C2: variants seen among roughly 807,000 people sequenced by gnomAD.
The protein encoded by C2 is C3/C5 convertase.
C2 carries 64 observed loss-of-function variants against 85.2 expected under a neutral mutation model. The ratio of observed to expected loss-of-function variants is 0.75; its 90% CI spans 0.61 to 0.92. C2 has a LOEUF of 0.92. Among genes scored for constraint, C2 ranks in the 40% least tolerant of loss-of-function variants. The probability of loss-of-function intolerance (pLI) is 0.00; values close to 1 mark genes in which losing one functional copy is unlikely to be tolerated. For missense variants in C2, 820 were observed against 971.6 expected (o/e 0.84, Z 2.07); for synonymous variants, 311 against 370.8 (o/e 0.84, Z 1.85).
chr6:31,901,130 C>T, exon 1 of C2: 2 of 1,613,918 alleles, frequency 1.2e-6, no homozygotes, highest in Non-Finnish European at 1.7e-6. Context: ...GAACTGGTCC[C>T]GCAGGAAGGG....
Position 31,933,624 on chromosome 6 carries a change from A to C in C2, c.457A>C (p.Asn153His). 1 of 1,613,058 alleles carries C rather than the reference A, an allele frequency of 6.2e-7. No individual in the cohort carries two copies. The highest frequency in any genetic ancestry group is 8.5e-7 in the Non-Finnish European group (1 of 1,180,022). Reference sequence around the variant, plus strand: ...TTCACTCGCAGCTGGCCACTGCCCCAACCCAGGCATTTCACTGGGCGCAGT... The same window carrying C: ...TTCACTCGCAGCTGGCCACTGCCCCCACCCAGGCATTTCACTGGGCGCAGT... The part of the protein sequence containing the change: ...VCDNGAGHCP[N>H]PGISLGAVRT... The change falls in exon 4 of 18, where the codon AAC (asparagine) becomes CAC (histidine). Residue 153 changes from asparagine (N) to histidine (H), a missense_variant. Transcript: ENST00000299367.
At chr6:31,915,947 TG>T (rs1329639230), upstream of C2, among the ~76,000 whole-genome samples, 1 of 152,148 alleles carries the variant, frequency 6.6e-6, no homozygotes, top group Non-Finnish European at 1.5e-5. Flanking sequence ...CACTGGACAG[TG>T]GGGGAACCAA....
chr6:31,912,649 G>A (rs1370543142), intron 1 of C2, among the ~76,000 whole-genome samples: 1 of 152,014 alleles, frequency 6.6e-6, no homozygotes, highest in African/African-American at 2.4e-5. Flanking sequence ...AGACCAGTCT[G>A]GCCAACATGG....
At chr6:31,907,337 C>T (rs949820130) in intron 1 of C2, among the ~76,000 whole-genome samples, 4 of 151,300 alleles carry the variant, frequency 2.6e-5, no homozygotes, top group African/African-American at 4.9e-5. Context: ...TGGTGGCTTA[C>T]GCCTGTAAAC....
upstream of C2, among the ~76,000 whole-genome samples, chr6:31,898,215 G>C (rs1766843709): frequency 1.3e-5 from 2 of 152,250 alleles, no homozygotes; most frequent in Non-Finnish European, 2.9e-5. Context: ...AAAACCTGTG[G>C]CTAAATGTCT....
intron 9 of C2, among the ~76,000 whole-genome samples, chr6:31,941,028 G>A (rs1240744720): frequency 6.6e-6 from 1 of 152,212 alleles, no homozygotes; most frequent in African/African-American, 2.4e-5. Context: ...GGACAGGCGC[G>A]GCCTGTTGTG....
chr6:31,932,833 A>G (rs1158656973), intron 3 of C2, among the ~76,000 whole-genome samples: 1 of 152,270 alleles, frequency 6.6e-6, no homozygotes, highest in African/African-American at 2.4e-5. Flanking sequence ...ATCATTGAGC[A>G]CTGAGTGAAC....
At position 31,933,903 on chromosome 6, in the gene C2, C is replaced by A; in HGVS notation, c.653C>A (p.Pro218His). ...TATGACTTCCCTGAGGACGTGGCCC[C>A]TGCCCTGGGCACTTCCTTCTCCCAC... Reference protein sequence around the residue: ...YSYDFPEDVAPALGTSFSHML... With the variant: ...YSYDFPEDVAHALGTSFSHML... The change falls in exon 5 of 18, where the codon CCT (proline) becomes CAT (histidine). Residue 218 changes from proline to histidine, a missense_variant. Coordinates refer to ENST00000299367, the MANE Select transcript of C2 (RefSeq NM_000063.6). The A allele has an allele frequency of 6.2e-7, 1 of 1,614,216 alleles. No homozygotes were observed. Among genetic ancestry groups the A allele is most frequent in the Non-Finnish European group, 8.5e-7 (1 of 1,180,040 alleles).
At chr6:31,918,195 G>C (rs1212039061), upstream of C2, among the ~76,000 whole-genome samples, 2 of 152,002 alleles carry the variant, frequency 1.3e-5, no homozygotes, top group Non-Finnish European at 2.9e-5. Context: ...TGAGGTGGGA[G>C]GATTGTGGAA....
At chr6:31,899,213 C>T (rs922268456), upstream of C2, among the ~76,000 whole-genome samples, 1 of 151,364 alleles carries the variant, frequency 6.6e-6, no homozygotes, top group Non-Finnish European at 1.5e-5. Flanking sequence ...TCCCTCCCAA[C>T]AGCCCTTCTT....
chr6:31,932,690 C>G (rs535858326), intron 3 of C2, among the ~76,000 whole-genome samples: 1 of 151,340 alleles, frequency 6.6e-6, no homozygotes, highest in Non-Finnish European at 1.5e-5. Context: ...CAGGCGGAGA[C>G]GCTCCTCACT....
chr6:31,931,055 A>G (rs1294978753), intron 3 of C2, among the ~76,000 whole-genome samples: 1 of 152,080 alleles, frequency 6.6e-6, no homozygotes, highest in African/African-American at 2.4e-5. Context: ...ATCATGCGGG[A>G]TGTGGTCTGT....
At chr6:31,937,226 C>T in intron 7 of C2, 93 bp from the exon 8 acceptor site, 2 of 1,332,250 alleles carry the variant, frequency 1.5e-6, no homozygotes, top group Non-Finnish European at 2.1e-6. Context: ...AAAAAAATTG[C>T]ATTTCCAATA....
intron 6 of C2, chr6:31,934,746 G>C: frequency 1.9e-6 from 2 of 1,063,608 alleles, no homozygotes; most frequent in Non-Finnish European, 2.3e-6. Context: ...ATGGTGGCTA[G>C]TGCCTGTAAT....
intron 1 of C2, among the ~76,000 whole-genome samples, chr6:31,910,708 G>C (rs1015501534): frequency 1.3e-5 from 2 of 152,024 alleles, no homozygotes; most frequent in African/African-American, 2.4e-5. Context: ...AGCCCAGCAC[G>C]GTGGCCCACA....
At chr6:31,916,430 G>A (rs1408083657), upstream of C2, among the ~76,000 whole-genome samples, 1 of 152,078 alleles carries the variant, frequency 6.6e-6, no homozygotes, top group African/African-American at 2.4e-5. Context: ...GTGGTGGCAT[G>A]TGCCTGTCAT....
chr6:31,936,553 G>A, intron 7 of C2: 1 of 183,118 alleles, frequency 5.5e-6, no homozygotes, highest in South Asian at 1.1e-4. Flanking sequence ...TGTCACCCAG[G>A]CTTGAGTGCA....
intron 7 of C2, chr6:31,936,380 G>A: frequency 2.4e-6 from 1 of 408,460 alleles, no homozygotes; most frequent in South Asian, 2.3e-5. Flanking sequence ...CATACACCAT[G>A]TAAAGTGCCT....
At chr6:31,912,874 C>T (rs1443032549) in intron 1 of C2, among the ~76,000 whole-genome samples, 1 of 148,360 alleles carries the variant, frequency 6.7e-6, no homozygotes, top group Non-Finnish European at 1.5e-5. Context: ...GATTGGTTAC[C>T]ACATTGATGA....
Sources: gnomAD v4.1 joint callset for allele counts (sites outside exome capture counted in the v4.1 genomes callset) on GRCh38, gnomAD v4.1.1 for gene constraint, MANE v1.5 for transcripts, NCBI Gene and HGNC (gene_info 2026-07-23, HGNC 2026-07-21) for gene names.